Variants in KLF12 observed in about 807,000 individuals in gnomAD.
KLF12 encodes the protein KLF transcription factor 12, also known as Krueppel-like factor 12.
Under a neutral mutation model 37.8 loss-of-function variants are expected in KLF12, and 9 were observed. That is an observed-to-expected ratio of 0.24 (90% CI 0.14 to 0.42). KLF12 has a LOEUF of 0.42. Ranked by LOEUF, KLF12 falls within the 10% of genes least tolerant of loss-of-function variation. The pLI, the probability that KLF12 is intolerant of heterozygous loss-of-function variation, is 1.00. For synonymous variants in KLF12, 208 were observed against 202.1 expected, an observed-to-expected ratio of 1.03 and a Z score of -0.25; for missense variants, 411 against 516.0, an observed-to-expected ratio of 0.80 and a Z score of 1.97.
chr13:73,990,729 T>C (rs577991545), intron 2 of KLF12, among the ~76,000 whole-genome samples: 14 of 152,266 alleles, frequency 9.2e-5, no homozygotes, highest in Non-Finnish European at 1.0e-4. Context: ...GTTAATAATA[T>C]CATTTTGGTA....
chr13:74,174,218 A>T, the KLF12 span, among the ~76,000 whole-genome samples: 180 of 152,200 alleles, frequency 1.2e-3, no homozygotes, highest in Non-Finnish European at 1.5e-4. Flanking sequence ...ATTGTTTAGG[A>T]CATGTCTGGA....
rs1893266299 is a variant in KLF12, at chr13:74,037,088, C to T, written c.-31-42035G>A. Among the ~76,000 whole-genome samples, 5 of 151,414 alleles carry T rather than the reference C, an allele frequency of 3.3e-5. 1 individual carries two copies. In the South Asian group the frequency reaches 1.0e-3, roughly 32 times the overall value. On this transcript the variant is annotated intron_variant, in intron 1 of 7. Coordinates refer to ENST00000377669, the MANE Select transcript of KLF12 (RefSeq NM_007249.5). ...GCATGGTGGTGGGCGCCTGTAATCT[C>T]AGCTATTCGGGAGGCTGAGGCAGAG... is the stretch of plus-strand genomic sequence containing the variant.
intron 5 of KLF12, chr13:73,800,837 T>C (rs1336411784): frequency 6.6e-6 from 1 of 152,118 alleles, no homozygotes; most frequent in African/African-American, 2.4e-5. Flanking sequence ...TTCTATTTTA[T>C]TATATAAGTA....
the KLF12 span, among the ~76,000 whole-genome samples, chr13:74,203,869 TG>T: frequency 6.6e-6 from 1 of 152,110 alleles, no homozygotes; most frequent in Non-Finnish European, 1.5e-5. Context: ...TGTAAATATG[TG>T]GTCCCCCAAG....
intron 1 of KLF12, among the ~76,000 whole-genome samples, chr13:74,054,707 T>C (rs1593861542): frequency 6.6e-6 from 1 of 152,236 alleles, no homozygotes; most frequent in African/African-American, 2.4e-5. Flanking sequence ...AAGGTTCCTA[T>C]ACATTTTGCT....
chr13:74,262,369 A>G, the KLF12 span, among the ~76,000 whole-genome samples: 2 of 152,312 alleles, frequency 1.3e-5, no homozygotes, highest in Admixed American at 6.5e-5. Context: ...AGAAAGCACA[A>G]GAGCGATTGT....
At chr13:74,098,850 AT>A (rs1876135375) in intron 1 of KLF12, among the ~76,000 whole-genome samples, 1 of 152,232 alleles carries the variant, frequency 6.6e-6, no homozygotes, top group Non-Finnish European at 1.5e-5. Context: ...CATTCAAAAT[AT>A]AAACAGGTTT....
chr13:73,963,757 T>C (rs949101885), intron 2 of KLF12, among the ~76,000 whole-genome samples: 1 of 152,196 alleles, frequency 6.6e-6, no homozygotes, highest in Non-Finnish European at 1.5e-5. Context: ...AAATAAGTTG[T>C]CAAGGAGAAG....
At chr13:73,808,607 C>G (rs1300369075) in intron 5 of KLF12, among the ~76,000 whole-genome samples, 1 of 152,068 alleles carries the variant, frequency 6.6e-6, no homozygotes, top group Non-Finnish European at 1.5e-5. Flanking sequence ...CATATGAAAT[C>G]AAAAGGAACA....
intron 1 of KLF12, among the ~76,000 whole-genome samples, chr13:74,040,818 G>C (rs1454509860): frequency 6.6e-6 from 1 of 152,186 alleles, no homozygotes; most frequent in African/African-American, 2.4e-5. Flanking sequence ...CTGCAAAGCA[G>C]GCCAGAATGA....
intron 1 of KLF12, among the ~76,000 whole-genome samples, chr13:74,017,267 A>T (rs1892715799): frequency 8.9e-6 from 1 of 111,894 alleles, no homozygotes; most frequent in South Asian, 2.4e-4. Flanking sequence ...CTAAAAAAAA[A>T]AAAAAAAAAA....
the KLF12 span, among the ~76,000 whole-genome samples, chr13:74,178,721 C>T: frequency 6.6e-6 from 1 of 152,128 alleles, no homozygotes; most frequent in Non-Finnish European, 1.5e-5. Flanking sequence ...ACACAATTTG[C>T]CTGCTTCTCT....
intron 1 of KLF12, among the ~76,000 whole-genome samples, chr13:74,057,560 A>T (rs1873316937): frequency 6.6e-6 from 1 of 152,244 alleles, no homozygotes; most frequent in African/African-American, 2.4e-5. Context: ...TGACCATATC[A>T]ATCAGTCACT....
the KLF12 span, among the ~76,000 whole-genome samples, chr13:74,228,113 C>A: frequency 6.6e-6 from 1 of 152,060 alleles, no homozygotes; most frequent in African/African-American, 2.4e-5. Flanking sequence ...TTTTAAATGT[C>A]GGTTTTCTTC....
the KLF12 span, among the ~76,000 whole-genome samples, chr13:74,305,518 T>C: frequency 6.6e-6 from 1 of 152,100 alleles, no homozygotes; most frequent in African/African-American, 2.4e-5. Flanking sequence ...CTCTTTTTTT[T>C]AGGTTTAAAA....
intron 7 of KLF12, among the ~76,000 whole-genome samples, chr13:73,702,244 G>A (rs369824090): frequency 1.2e-4 from 18 of 152,088 alleles, no homozygotes; most frequent in African/African-American, 3.6e-4. Flanking sequence ...TTATGAAAAC[G>A]GCTGTCTCTT....
intron 2 of KLF12, among the ~76,000 whole-genome samples, chr13:73,958,555 T>A (rs1038602849): frequency 1.3e-5 from 2 of 152,140 alleles, no homozygotes; most frequent in Admixed American, 6.5e-5. Context: ...TTTTTTTTTT[T>A]AAACTTGTAA....
In KLF12 at chr13:73,901,044, T is replaced by C. The variant is rs111834501; in HGVS notation, c.123+42937A>G. Among the ~76,000 whole-genome samples, 389 of 152,326 alleles carry C rather than the reference T, an allele frequency of 2.6e-3. 2 individuals are homozygous for C. The highest frequency in any genetic ancestry group is 8.6e-3 in the African/African-American group (357 of 41,568). ...TTTTTCTTTAAGAGAAATAGACCTC[T>C]GTAAACAGTCAGTGCATATACACTA... On this transcript the variant is annotated intron_variant, in intron 3 of 7. Coordinates refer to ENST00000377669, the MANE Select transcript of KLF12 (RefSeq NM_007249.5).
chr13:74,163,905 AG>A, the KLF12 span, among the ~76,000 whole-genome samples: 13 of 32,376 alleles, frequency 4.0e-4, no homozygotes, highest in Non-Finnish European at 1.1e-3. Context: ...TTAAAAAAAA[AG>A]AAATAGTGAC....
Sources: allele counts gnomAD v4.1 joint callset (sites outside exome capture counted in the v4.1 genomes callset), GRCh38; gene constraint gnomAD v4.1.1; transcripts MANE v1.5; gene names NCBI Gene and HGNC (gene_info 2026-07-23, HGNC 2026-07-21).